PGS1: variants seen among roughly 807,000 people sequenced by gnomAD.
The protein encoded by PGS1 is CDP-diacylglycerol--glycerol-3-phosphate 3-phosphatidyltransferase, mitochondrial.
A neutral mutation model predicts 58.3 loss-of-function variants in PGS1; 44 were observed. The ratio of observed to expected loss-of-function variants is 0.75; its 90% CI spans 0.59 to 0.97. The LOEUF (loss-of-function observed/expected upper bound fraction) is 0.97. Ranked by LOEUF, PGS1 falls within the 50% of genes least tolerant of loss-of-function variation. The probability of loss-of-function intolerance (pLI) is 0.00; values close to 1 mark genes in which losing one functional copy is unlikely to be tolerated. For missense variants in PGS1, 684 were observed against 731.1 expected, an observed-to-expected ratio of 0.94 and a Z score of 0.74; for synonymous variants, 330 against 311.0, an observed-to-expected ratio of 1.06 and a Z score of -0.64.
intron 9 of PGS1, among the ~76,000 whole-genome samples, chr17:78,422,214 T>C (rs1258099358): frequency 6.6e-6 from 1 of 152,042 alleles, no homozygotes. Context: ...TGACCCCTCC[T>C]GGCCAGCAGA....
intron 1 of PGS1, among the ~76,000 whole-genome samples, chr17:78,390,979 TG>T: frequency 6.6e-6 from 1 of 152,056 alleles, no homozygotes; most frequent in East Asian, 1.9e-4. Flanking sequence ...CTTGCTCTGT[TG>T]CCCAGGCTGG....
Position 78,400,791 on chromosome 17 carries a change from G to A in PGS1, c.816G>A (p.Val272=). 6.2e-7 allele frequency: 1 copy of A among 1,613,848 alleles called. No homozygotes were observed. Among genetic ancestry groups the A allele is most frequent in the Non-Finnish European group, 8.5e-7 (1 of 1,179,890 alleles). ...AGCTGGTGGACGCGGTGGGGGATGT[G>A]TCCCTGCAGCTGCAGGGGGACGACA... The part of the protein sequence containing the change: ...FTELVDAVGD[V]SLQLQGDDTV... Residue 272 remains valine, a synonymous_variant, in exon 6 of 10, where the codon GTG becomes GTA. Coordinates refer to ENST00000262764, the MANE Select transcript of PGS1 (RefSeq NM_024419.5). The surrounding 1 kb of genome is among the most constrained non-coding windows in gnomAD (Gnocchi z 4.4).
At chr17:78,391,626 T>TA (rs1405528495) in intron 1 of PGS1, among the ~76,000 whole-genome samples, 1 of 152,090 alleles carries the variant, frequency 6.6e-6, no homozygotes, top group Non-Finnish European at 1.5e-5. Flanking sequence ...TACAGTCACA[T>TA]ACCACCACGC....
At position 78,424,259 on chromosome 17, in the gene PGS1, C is replaced by T. The variant is rs2086292586; in HGVS notation, c.*209C>T. 1.4e-6 allele frequency: 2 copies of T among 1,403,654 alleles called. No homozygotes were observed. The allele number at this position is 1,403,654 out of a possible 1,614,324, so 86.9% of individuals were successfully genotyped here. A position where few individuals can be genotyped will look rare whatever the true frequency, so the allele number is the denominator to read the frequency against. Reference sequence around the variant, plus strand: ...ACTCCCCGCCCTCTGCAGAGCTGGGCTCTACCCCAAAAGGCTTCAGGCCAG... The same window carrying T: ...ACTCCCCGCCCTCTGCAGAGCTGGGTTCTACCCCAAAAGGCTTCAGGCCAG... On this transcript the variant is annotated 3_prime_UTR_variant, in exon 10 of 10. Transcript: ENST00000262764.
At chr17:78,416,508 C>G (rs1048635750) in intron 8 of PGS1, among the ~76,000 whole-genome samples, 1 of 152,248 alleles carries the variant, frequency 6.6e-6, no homozygotes, top group African/African-American at 2.4e-5. Flanking sequence ...AGGCCTGTGC[C>G]TGGGGTCCTG....
At position 78,404,058 on chromosome 17, in the gene PGS1, C is replaced by G; in HGVS notation, c.1371C>G (p.Tyr457Ter). The part of the protein sequence containing the change: ...GQQERVQLQE[Y>*]WRRGWTFHAK... ...AGGAGCGGGTCCAGCTTCAGGAGTACTGGCGGAGGGGCTGGACGTTCCACG... is the reference window on the plus strand; with the variant it reads ...AGGAGCGGGTCCAGCTTCAGGAGTAGTGGCGGAGGGGCTGGACGTTCCACG... The change falls in exon 7 of 10, where the codon TAC becomes TAG. Residue 457 changes from tyrosine to a stop codon, truncating the protein, a stop_gained. Transcript: ENST00000262764. LOFTEE classifies it high-confidence loss of function. 6.2e-7 allele frequency: 1 copy of G among 1,600,440 alleles called. No individual in the cohort carries two copies. The highest frequency in any genetic ancestry group is 8.5e-7 in the Non-Finnish European group (1 of 1,172,494).
intron 1 of PGS1, among the ~76,000 whole-genome samples, chr17:78,383,246 C>G (rs1237460996): frequency 3.1e-5 from 4 of 130,104 alleles, no homozygotes; most frequent in Non-Finnish European, 5.2e-5. Flanking sequence ...ATTAGATTTT[C>G]TTTCCTTTTT....
chr17:78,423,925 G>A (rs570803591), intron 9 of PGS1, 136 bp from the exon 10 acceptor site: 39 of 1,613,850 alleles, frequency 2.4e-5, no homozygotes, highest in African/African-American at 4.0e-5. Context: ...TAGGAGCAGC[G>A]CCACGGCTGC....
chr17:78,419,467 G>A, intron 8 of PGS1, 79 bp from the exon 9 acceptor site: 1 of 1,291,628 alleles, frequency 7.7e-7, no homozygotes, highest in South Asian at 1.2e-5. Flanking sequence ...GGCCTGAGGG[G>A]CTGGGCTGGG....
At chr17:78,423,726 CACCTCTTCCACACCA>C in intron 9 of PGS1, 2 of 759,106 alleles carry the variant, frequency 2.6e-6, no homozygotes, top group Non-Finnish European at 4.2e-6. Context: ...TAATCTGCCC[CACCTCTTCCACACCA>C]ACCTCCACCC....
At position 78,401,333 on chromosome 17, in the gene PGS1, T is replaced by G. The variant is rs111658914; in HGVS notation, c.880+478T>G. On this transcript the variant is annotated intron_variant, in intron 6 of 9. Coordinates refer to ENST00000262764, the MANE Select transcript of PGS1 (RefSeq NM_024419.5). ...GCAACCAGGCCAGCAGCTGTTCGCC[T>G]AGGGCCCATTTCCCCAAGCCTATCA... 1.0e-2 allele frequency among the ~76,000 whole-genome samples: 1,517 copies of G among 152,322 alleles called. 27 individuals are homozygous for G. The highest frequency in any genetic ancestry group is 0.033 in the African/African-American group (1,382 of 41,580).
chr17:78,412,500 A>G (rs1411903698), intron 7 of PGS1, among the ~76,000 whole-genome samples: 1 of 152,206 alleles, frequency 6.6e-6, no homozygotes, highest in Non-Finnish European at 1.5e-5. Context: ...TGTGCGTATG[A>G]TGAAGTTGTG....
chr17:78,405,882 A>T (rs1453806305), intron 7 of PGS1, among the ~76,000 whole-genome samples: 7 of 151,966 alleles, frequency 4.6e-5, no homozygotes, highest in Non-Finnish European at 8.8e-5. Context: ...GCCTCCATGG[A>T]TGGGGAATCT....
chr17:78,408,740 C>T (rs182784387), intron 7 of PGS1, among the ~76,000 whole-genome samples: 1 of 152,306 alleles, frequency 6.6e-6, no homozygotes, highest in African/African-American at 2.4e-5. Context: ...GCTGAGTGGG[C>T]ATCTGGGTTG....
At chr17:78,382,177 G>A (rs2082080314) in intron 1 of PGS1, among the ~76,000 whole-genome samples, 1 of 152,120 alleles carries the variant, frequency 6.6e-6, no homozygotes, top group African/African-American at 2.4e-5. Flanking sequence ...GCAATTCTGA[G>A]GTCCCACCAA....
chr17:78,399,764 G>A (rs1462527925), intron 5 of PGS1, among the ~76,000 whole-genome samples: 1 of 152,208 alleles, frequency 6.6e-6, no homozygotes, highest in Non-Finnish European at 1.5e-5. Flanking sequence ...GTCTGTGCTG[G>A]CCACTCAGGT....
At position 78,400,608 on chromosome 17, in the gene PGS1, G is replaced by A; in HGVS notation, c.702-69G>A. 7.2e-7 allele frequency: 1 copy of A among 1,393,644 alleles called. No homozygotes were observed. Among genetic ancestry groups the A allele is most frequent in the Non-Finnish European group, 1.0e-6 (1 of 988,950 alleles). 86.3% of individuals were successfully genotyped at this position (1,393,644 alleles called of 1,614,324 possible). On this transcript the variant is annotated intron_variant, in intron 5 of 9. Coordinates refer to ENST00000262764, the MANE Select transcript of PGS1 (RefSeq NM_024419.5). This position sits in a 1 kb window ranked among gnomAD's most constrained non-coding sequence, Gnocchi z 4.4. ...CCCCCTGCTAGTTCACCTGAGACCT[G>A]GGTCACCAGGACACGCTGCTGCATA...
chr17:78,401,204 G>T (rs187743962), intron 6 of PGS1, among the ~76,000 whole-genome samples: 47 of 152,108 alleles, frequency 3.1e-4, no homozygotes, highest in African/African-American at 1.1e-3. Context: ...GAACTAGCAG[G>T]GGGGTGACAA....
rs201616206 is a variant in PGS1 at position 78,403,820 on chromosome 17, G to A, written c.1133G>A (p.Arg378His). The change falls in exon 7 of 10, where the codon CGC becomes CAC. Residue 378 changes from arginine (R) to histidine (H), a missense_variant. Transcript: ENST00000262764. ...VTETLLTEAE[R>H]GAKVYLTTGY... ...GAGACCCTGTTGACTGAGGCGGAGC[G>A]CGGGGCAAAGGTCTACCTCACCACT... 51 of 1,614,236 alleles carry A rather than the reference G, an allele frequency of 3.2e-5. No individual in the cohort carries two copies. The highest frequency in any genetic ancestry group is 2.4e-4 in the South Asian group (22 of 91,082).
Sources: gnomAD v4.1 joint callset for allele counts (sites outside exome capture counted in the v4.1 genomes callset) on GRCh38, gnomAD v4.1.1 for gene constraint, Gnocchi (gnomAD v3.1) non-coding constraint, MANE v1.5 for transcripts, NCBI Gene and HGNC (gene_info 2026-07-23, HGNC 2026-07-21) for gene names.